Variants in C1QTNF5 observed in about 807,000 individuals in gnomAD.
C1QTNF5 encodes the protein C1q and TNF related 5.
C1QTNF5 carries 5 observed loss-of-function variants against 10.9 expected under a neutral mutation model. That is an observed-to-expected ratio of 0.46 (90% CI 0.24 to 0.97). C1QTNF5 has a LOEUF of 0.97. C1QTNF5 is among the 50% of genes least tolerant of loss of function. The pLI, the probability that C1QTNF5 is intolerant of heterozygous loss-of-function variation, is 0.19. For synonymous variants in C1QTNF5, 161 were observed against 156.5 expected, an observed-to-expected ratio of 1.03 and a Z score of -0.22; for missense variants, 281 against 339.4, an observed-to-expected ratio of 0.83 and a Z score of 1.35.
chr11:119,344,633 C>T (rs150284394), upstream of C1QTNF5: 266 of 1,614,032 alleles, frequency 1.6e-4, 3 homozygotes, highest in South Asian at 1.0e-3. Flanking sequence ...GGCCCGTACC[C>T]GAGAACTTGG....
upstream of C1QTNF5, chr11:119,345,139 G>T: frequency 8.5e-7 from 1 of 1,176,422 alleles, no homozygotes; most frequent in Non-Finnish European, 1.2e-6. Context: ...CTCCTCTGAT[G>T]TCCCAGGGAG....
rs766109898 is a variant in C1QTNF5 at position 119,339,660 on chromosome 11, G to A, written c.403C>T (p.His135Tyr). Reference protein sequence around the residue: ...FDRVLVNEQGHYDAVTGKFTC... With the variant: ...FDRVLVNEQGYYDAVTGKFTC... ...AACTTGCCGGTGACGGCGTCGTAAT[G>A]TCCCTGCTCGTTCACCAGCACGCGG... The change falls in exon 3 of 3, where the codon CAT becomes TAT. Residue 135 changes from histidine to tyrosine, a missense_variant. Physicochemically the swap from His to Tyr is moderately conservative, Grantham distance 83. Coordinates refer to ENST00000528368, the MANE Select transcript of C1QTNF5 (RefSeq NM_001278431.2). This position sits in a 1 kb window ranked among gnomAD's most constrained non-coding sequence, Gnocchi z 5.4. 2 of 1,612,010 alleles carry A rather than the reference G, an allele frequency of 1.2e-6. No individual in the cohort carries two copies. Among genetic ancestry groups the A allele is most frequent in the Admixed American group, 1.7e-5 (1 of 60,036 alleles).
upstream of C1QTNF5, chr11:119,341,482 C>T (rs374604094): frequency 2.0e-4 from 273 of 1,357,454 alleles, no homozygotes; most frequent in African/African-American, 3.2e-3. Flanking sequence ...TCCTTTGTTC[C>T]CCTGCGTGCC....
upstream of C1QTNF5, chr11:119,344,196 T>G: frequency 9.1e-7 from 1 of 1,093,746 alleles, no homozygotes; most frequent in Non-Finnish European, 1.4e-6. Flanking sequence ...CCCGTCTGCT[T>G]GATCTCTGAC....
upstream of C1QTNF5, chr11:119,344,756 C>T (rs752779646): frequency 1.2e-6 from 2 of 1,613,942 alleles, no homozygotes; most frequent in Non-Finnish European, 1.7e-6. Flanking sequence ...GGGCACAGCT[C>T]CCTGGATGTG....
At chr11:119,341,747 T>G (rs775909202), upstream of C1QTNF5, 2 of 1,613,398 alleles carry the variant, frequency 1.2e-6, no homozygotes, top group Non-Finnish European at 1.7e-6. Flanking sequence ...CCGGAAATGC[T>G]GGTAGCAGGG....
chr11:119,344,349 G>T (rs755974208), upstream of C1QTNF5: 30 of 1,613,914 alleles, frequency 1.9e-5, no homozygotes, highest in Non-Finnish European at 2.5e-5. Context: ...GTAGCTGGGA[G>T]TAGAGAAAGT....
chr11:119,345,036 C>T (rs201571646), upstream of C1QTNF5: 37 of 1,591,854 alleles, frequency 2.3e-5, no homozygotes, highest in East Asian at 1.8e-4. Flanking sequence ...GTGAGGGAGG[C>T]TCCAAGAGCA....
upstream of C1QTNF5, among the ~76,000 whole-genome samples, chr11:119,343,621 T>G (rs1019781326): frequency 9.2e-5 from 14 of 152,130 alleles, no homozygotes; most frequent in African/African-American, 3.4e-4. Flanking sequence ...GGGAAGGACC[T>G]CCTGGGGACA....
In C1QTNF5 at chr11:119,340,045, C is replaced by A. The variant is rs1050350671; in HGVS notation, c.214+139G>T. ...GCCAAGGGGGCTCCCGCCGCCTGGG[C>A]CCCTCCCCCGCTCAGGGCTGCAAAG... On this transcript the variant is annotated intron_variant, in intron 2 of 2. Transcript: ENST00000528368. 5.5e-6 allele frequency: 7 copies of A among 1,268,804 alleles called. No homozygotes were observed. The African/African-American group carries it at 6.4e-5, about 12-fold the overall frequency. The allele number at this position is 1,268,804 out of a possible 1,614,324, so 78.6% of individuals were successfully genotyped here. A position where few individuals can be genotyped will look rare whatever the true frequency, so the allele number is the denominator to read the frequency against.
At chr11:119,346,006 A>C in the C1QTNF5 span, 1 of 1,613,046 alleles carries the variant, frequency 6.2e-7, no homozygotes, top group Non-Finnish European at 8.5e-7. Flanking sequence ...ATGGAGTTTC[A>C]TTCCAAAGCC....
chr11:119,345,658 A>C, upstream of C1QTNF5: 1 of 1,613,126 alleles, frequency 6.2e-7, no homozygotes, highest in East Asian at 2.2e-5. Context: ...GTTAGAGTTC[A>C]GAGGTCAAAA....
chr11:119,344,814 C>A, upstream of C1QTNF5: 1 of 1,613,692 alleles, frequency 6.2e-7, no homozygotes, highest in South Asian at 1.1e-5. Context: ...TTTGACAGGA[C>A]TGGGAGTGGG....
chr11:119,340,555 G>C (rs1332672051), intron 1 of C1QTNF5, 115 bp from the exon 2 acceptor site: 1 of 747,742 alleles, frequency 1.3e-6, no homozygotes, highest in Non-Finnish European at 2.1e-6. Flanking sequence ...GAGGCTGAGC[G>C]CTCGCAGGGC....
At position 119,339,818 on chromosome 11, in the gene C1QTNF5, G is replaced by A. The variant is rs1324412710; in HGVS notation, c.245C>T (p.Pro82Leu). 6.6e-7 allele frequency: 1 copy of A among 1,517,890 alleles called. No homozygotes were observed. The highest frequency in any genetic ancestry group is 2.4e-5 in the East Asian group (1 of 40,996). 94.0% of individuals were successfully genotyped at this position (1,517,890 alleles called of 1,614,324 possible). A position where few individuals can be genotyped will look rare whatever the true frequency, so the allele number is the denominator to read the frequency against. The change falls in exon 3 of 3, where the codon CCG becomes CTG. Residue 82 changes from proline to leucine, a missense_variant. Pro to Leu is a moderately conservative substitution (Grantham distance 98, BLOSUM62 -3). Coordinates refer to ENST00000528368, the MANE Select transcript of C1QTNF5 (RefSeq NM_001278431.2). This position sits in a 1 kb window ranked among gnomAD's most constrained non-coding sequence, Gnocchi z 5.4. ...GLPGPRGDPG[P>L]RGEAGPAGPT... Reference sequence around the variant, plus strand: ...CCCCGCGGGTCCCGCCTCTCCTCGCGGCCCGGGGTCCCCTCGAGGTCCCGG... The same window carrying A: ...CCCCGCGGGTCCCGCCTCTCCTCGCAGCCCGGGGTCCCCTCGAGGTCCCGG...
Position 119,339,797 on chromosome 11 carries a change from G to T in C1QTNF5, c.266C>A (p.Ala89Glu). The stretch of plus-strand genomic sequence containing the variant: ...CTCCCCGGCAGGCCCGGTGGGCCCC[G>T]CGGGTCCCGCCTCTCCTCGCGGCCC... Reference protein sequence around the residue: ...DPGPRGEAGPAGPTGPAGECS... With the variant: ...DPGPRGEAGPEGPTGPAGECS... Residue 89 changes from alanine (A) to glutamate (E), a missense_variant, in exon 3 of 3, where the codon GCG becomes GAG. Physicochemically the swap from Ala to Glu is moderately radical, Grantham distance 107. Coordinates refer to ENST00000528368, the MANE Select transcript of C1QTNF5 (RefSeq NM_001278431.2). The surrounding 1 kb of genome is among the most constrained non-coding windows in gnomAD (Gnocchi z 5.4). 2.7e-6 allele frequency: 4 copies of T among 1,508,040 alleles called. No individual in the cohort carries two copies. Among genetic ancestry groups the T allele is most frequent in the Non-Finnish European group, 3.5e-6 (4 of 1,132,434 alleles). 93.4% of individuals were successfully genotyped at this position (1,508,040 alleles called of 1,614,324 possible).
upstream of C1QTNF5, chr11:119,345,884 G>T (rs1302836781): frequency 6.2e-7 from 1 of 1,613,690 alleles, no homozygotes; most frequent in Non-Finnish European, 8.5e-7. Context: ...CCTCCGGCAG[G>T]CAGTGGGCTA....
In C1QTNF5 at chr11:119,339,274, G is replaced by A; in HGVS notation, c.*57C>T. The A allele has an allele frequency of 6.4e-7, 1 of 1,567,620 alleles. No homozygotes were observed. Among genetic ancestry groups the A allele is most frequent in the Non-Finnish European group, 8.7e-7 (1 of 1,153,478 alleles). On this transcript the variant is annotated 3_prime_UTR_variant, in exon 3 of 3. Coordinates refer to ENST00000528368, the MANE Select transcript of C1QTNF5 (RefSeq NM_001278431.2). This position sits in a 1 kb window ranked among gnomAD's most constrained non-coding sequence, Gnocchi z 5.4. ...GCCAGCCCTCCTGGATGACCTGGTT[G>A]TCAGCCTCACACCCTCCTTCTAGGA...
chr11:119,339,889 C>A lies in C1QTNF5; in HGVS notation c.215-41G>T. On this transcript the variant is annotated intron_variant, in intron 2 of 2. Transcript: ENST00000528368. The surrounding 1 kb of genome is among the most constrained non-coding windows in gnomAD (Gnocchi z 5.4). ...GGCGGCAGGGTGAGAGTAGCGGCGG[C>A]TCAGCCCGCAGCGGGGCGGCGACTC... is the stretch of plus-strand genomic sequence containing the variant. The A allele has an allele frequency of 7.0e-7, 1 of 1,435,490 alleles. No homozygotes were observed. The highest frequency in any genetic ancestry group is 9.1e-7 in the Non-Finnish European group (1 of 1,102,152). The allele number at this position is 1,435,490 out of a possible 1,614,324, so 88.9% of individuals were successfully genotyped here. A position where few individuals can be genotyped will look rare whatever the true frequency, so the allele number is the denominator to read the frequency against.
Sources: allele counts gnomAD v4.1 joint callset (sites outside exome capture counted in the v4.1 genomes callset), GRCh38; gene constraint gnomAD v4.1.1; non-coding constraint Gnocchi (gnomAD v3.1); transcripts MANE v1.5; gene names NCBI Gene and HGNC (gene_info 2026-07-23, HGNC 2026-07-21).